The following VPS41 variants were observed in gnomAD, a reference collection of about 807,000 sequenced individuals.
VPS41 encodes vacuolar protein sorting-associated protein 41 homolog.
In VPS41, 85 loss-of-function variants were observed where a neutral mutation model predicts 130.9. The observed-to-expected ratio is 0.65, with a 90% CI of 0.55 to 0.78. The LOEUF is 0.78. Ranked by LOEUF, VPS41 falls within the 30% of genes least tolerant of loss-of-function variation. The pLI is 0.00. For synonymous variants in VPS41, 335 were observed against 332.9 expected, an observed-to-expected ratio of 1.01 and a Z score of -0.07; for missense variants, 874 against 1,018.7, an observed-to-expected ratio of 0.86 and a Z score of 1.93.
chr7:38,872,273 G>A (rs1171468442), intron 2 of VPS41, among the ~76,000 whole-genome samples: 1 of 152,186 alleles, frequency 6.6e-6, no homozygotes, highest in Non-Finnish European at 1.5e-5. Flanking sequence ...AGGGGTCCAC[G>A]AAGCAAGAGT....
chr7:38,820,703 C>T (rs563077724), intron 6 of VPS41, among the ~76,000 whole-genome samples: 7 of 152,278 alleles, frequency 4.6e-5, no homozygotes, highest in African/African-American at 1.2e-4. Context: ...GACAATTTGC[C>T]ATTTCCTGAA....
intron 25 of VPS41, among the ~76,000 whole-genome samples, chr7:38,740,920 GTA>G (rs1276644550): frequency 1.3e-5 from 2 of 152,030 alleles, no homozygotes; most frequent in African/African-American, 4.8e-5. Flanking sequence ...TTTTGAACAC[GTA>G]TACACCATGA....
intron 4 of VPS41, among the ~76,000 whole-genome samples, chr7:38,837,234 G>C (rs183132497): frequency 6.6e-6 from 1 of 152,276 alleles, no homozygotes; most frequent in East Asian, 1.9e-4. Context: ...GTATTAGCAT[G>C]GGAGCTGGAC....
chr7:38,762,419 G>A (rs1783940739), intron 17 of VPS41, among the ~76,000 whole-genome samples: 1 of 152,148 alleles, frequency 6.6e-6, no homozygotes, highest in African/African-American at 2.4e-5. Flanking sequence ...ATTAAACAAA[G>A]CTTAACTGTT....
intron 22 of VPS41, among the ~76,000 whole-genome samples, chr7:38,746,247 C>T (rs1440388607): frequency 4.6e-5 from 3 of 65,332 alleles, no homozygotes; most frequent in Admixed American, 2.1e-4. Flanking sequence ...AGAGCATTTC[C>T]ATTAGTCTTA....
chr7:38,734,179 T>C (rs1239494085), intron 25 of VPS41, among the ~76,000 whole-genome samples: 2 of 152,244 alleles, frequency 1.3e-5, no homozygotes, highest in Non-Finnish European at 2.9e-5. Context: ...CAAAAAATAC[T>C]TGTAGGCATA....
intron 4 of VPS41, among the ~76,000 whole-genome samples, chr7:38,859,639 T>C (rs116824584): frequency 6.6e-6 from 1 of 152,180 alleles, no homozygotes; most frequent in Non-Finnish European, 1.5e-5. Context: ...ACAGCCTAAG[T>C]GTACAGTAGG....
intron 7 of VPS41, among the ~76,000 whole-genome samples, chr7:38,805,206 G>A (rs897226390): frequency 6.6e-6 from 1 of 152,092 alleles, no homozygotes; most frequent in African/African-American, 2.4e-5. Context: ...CTGAAAACAC[G>A]GGTTTATGTA....
At chr7:38,843,681 C>CAA (rs796516716) in intron 4 of VPS41, among the ~76,000 whole-genome samples, 1 of 80,494 alleles carries the variant, frequency 1.2e-5, no homozygotes, top group Non-Finnish European at 2.6e-5. Context: ...GACTCCGTCT[C>CAA]AAAAAAAAAA....
intron 4 of VPS41, among the ~76,000 whole-genome samples, chr7:38,853,895 C>T (rs1785921998): frequency 6.6e-6 from 1 of 152,194 alleles, no homozygotes; most frequent in Non-Finnish European, 1.5e-5. Flanking sequence ...GTAAGTATGA[C>T]ACTTTACTCT....
At chr7:38,882,686 A>T (rs1363975644) in intron 2 of VPS41, among the ~76,000 whole-genome samples, 2 of 152,196 alleles carry the variant, frequency 1.3e-5, no homozygotes, top group Non-Finnish European at 2.9e-5. Context: ...CCTTAGTTAC[A>T]GCAACCCCAT....
chr7:38,839,245 C>T (rs1785558211), intron 4 of VPS41, among the ~76,000 whole-genome samples: 1 of 152,140 alleles, frequency 6.6e-6, no homozygotes, highest in Non-Finnish European at 1.5e-5. Flanking sequence ...CATTTTACTG[C>T]TTATTTTACT....
At chr7:38,825,119 A>G (rs1252385155) in intron 5 of VPS41, among the ~76,000 whole-genome samples, 1 of 152,248 alleles carries the variant, frequency 6.6e-6, no homozygotes, top group Non-Finnish European at 1.5e-5. Flanking sequence ...AGAATTCGCC[A>G]GAAGCAAAAA....
chr7:38,829,496 G>A (rs1456807275), intron 5 of VPS41, among the ~76,000 whole-genome samples: 6 of 152,084 alleles, frequency 3.9e-5, no homozygotes, highest in African/African-American at 1.4e-4. Flanking sequence ...TGTTATTTTA[G>A]AAAAGTAGCT....
chr7:38,742,129 A>G lies in VPS41; in HGVS notation c.2123-8T>C. ...ACAAGCCAGTAATAAATGCTACAAAATACCACATAAAACAATGAACATATA... is the reference window on the plus strand; with the variant it reads ...ACAAGCCAGTAATAAATGCTACAAAGTACCACATAAAACAATGAACATATA... On this transcript the variant is annotated splice_polypyrimidine_tract_variant and splice_region_variant and intron_variant, in intron 24 of 28. Transcript: ENST00000310301. 6.2e-7 allele frequency: 1 copy of G among 1,603,202 alleles called. No individual in the cohort carries two copies. Among genetic ancestry groups the G allele is most frequent in the East Asian group, 2.2e-5 (1 of 44,476 alleles).
In VPS41 at chr7:38,723,242, G is replaced by A. The variant is rs1343477668; in HGVS notation, c.*3004C>T. The A allele has an allele frequency of 6.6e-6, 1 of 152,118 alleles. No individual in the cohort carries two copies. Among genetic ancestry groups the A allele is most frequent in the South Asian group, 2.1e-4 (1 of 4,830 alleles). The allele number at this position is 152,118 out of a possible 1,614,324, so 9.4% of individuals were successfully genotyped here. A position where few individuals can be genotyped will look rare whatever the true frequency, so the allele number is the denominator to read the frequency against. On this transcript the variant is annotated 3_prime_UTR_variant, in exon 29 of 29. Transcript: ENST00000310301. The stretch of plus-strand genomic sequence containing the variant: ...GATCCTTGCAGTTCCAACCTGTGTT[G>A]TTCAAGGGTCAACTATATATAGCTT...
At chr7:38,903,511 T>G (rs1397853513) in intron 1 of VPS41, among the ~76,000 whole-genome samples, 1 of 152,056 alleles carries the variant, frequency 6.6e-6, no homozygotes, top group Non-Finnish European at 1.5e-5. Flanking sequence ...GGGTCTGTGT[T>G]GCAGGAAAAA....
intron 13 of VPS41, 67 bp downstream of exon 13, chr7:38,772,455 A>G: frequency 9.0e-7 from 1 of 1,111,852 alleles, no homozygotes; most frequent in Non-Finnish European, 1.3e-6. Context: ...TATTACAAAA[A>G]CATTTTATCT....
chr7:38,788,640 G>T (rs1784481836), intron 10 of VPS41, among the ~76,000 whole-genome samples: 1 of 152,098 alleles, frequency 6.6e-6, no homozygotes, highest in South Asian at 2.1e-4. Flanking sequence ...AGAAGAAAAA[G>T]ATATTGAAAC....
Sources: allele counts gnomAD v4.1 joint callset (sites outside exome capture counted in the v4.1 genomes callset), GRCh38; gene constraint gnomAD v4.1.1; transcripts MANE v1.5; gene names NCBI Gene and HGNC (gene_info 2026-07-23, HGNC 2026-07-21).